Variants in IKBIP observed in about 807,000 individuals in gnomAD.
IKBIP encodes inhibitor of nuclear factor kappa-B kinase-interacting protein.
IKBIP carries 28 observed loss-of-function variants against 31.0 expected under a neutral mutation model. The ratio of observed to expected loss-of-function variants is 0.90; its 90% confidence interval spans 0.67 to 1.24. IKBIP has a LOEUF of 1.24. IKBIP is among the 50% of genes most tolerant of loss of function. The pLI, the probability that IKBIP is intolerant of heterozygous loss-of-function variation, is 0.00. For synonymous variants in IKBIP, 164 were observed against 160.3 expected, an observed-to-expected ratio of 1.02 and a Z score of -0.17; for missense variants, 453 against 441.9, an observed-to-expected ratio of 1.03 and a Z score of -0.23.
rs903382150 is a variant in IKBIP, at chr12:98,631,533, G to A, written c.297+2763C>T. Among the ~76,000 whole-genome samples the A allele has an allele frequency of 4.8e-4, 72 of 151,048 alleles. 1 individual carries two copies. The highest frequency in any genetic ancestry group is 1.6e-3 in the African/African-American group (66 of 41,266). ...TGACCTCAGGTGATCCACCCACCTC[G>A]GCCCCTCAAAGTGCTGGGATTACAG... On this transcript the variant is annotated intron_variant, in intron 2 of 2. Transcript: ENST00000299157.
intron 1 of IKBIP, among the ~76,000 whole-genome samples, chr12:98,642,990 T>C (rs1329543967): frequency 6.6e-6 from 1 of 151,568 alleles, no homozygotes; most frequent in Non-Finnish European, 1.5e-5. Context: ...TCTCGCTCTG[T>C]TGCCCAGGCT....
Position 98,632,005 on chromosome 12 carries a change from G to A in IKBIP, c.297+2291C>T, listed in dbSNP as rs796696166. 1.3e-4 allele frequency among the ~76,000 whole-genome samples: 20 copies of A among 151,268 alleles called. No individual in the cohort carries two copies. The South Asian group carries it at 3.8e-3, about 29-fold the overall frequency. On this transcript the variant is annotated intron_variant, in intron 2 of 2. Transcript: ENST00000299157. ...CGAGTAGCTGGGATTACAGGCGCCC[G>A]CCACCACGCCCAGCTAATTTTTGTA...
chr12:98,633,697 C>G (rs10732662), intron 2 of IKBIP, among the ~76,000 whole-genome samples: 131,118 of 151,552 alleles, frequency 0.87, 56,952 homozygotes, highest in African/African-American at 0.94. Flanking sequence ...TGTATTTTTA[C>G]TAGAGATGGG....
chr12:98,621,495 T>G (rs1449122571), downstream of IKBIP, among the ~76,000 whole-genome samples: 1 of 152,184 alleles, frequency 6.6e-6, no homozygotes, highest in African/African-American at 2.4e-5. Context: ...GAGAACACAT[T>G]TGACTCAATT....
intron 2 of IKBIP, among the ~76,000 whole-genome samples, chr12:98,629,090 T>C (rs1263618169): frequency 3.9e-5 from 6 of 152,294 alleles, no homozygotes; most frequent in African/African-American, 1.4e-4. Flanking sequence ...GAAGAGACCA[T>C]GTCTTATGCC....
rs2153296896 is a variant in IKBIP at position 98,626,293 on chromosome 12, A to G, written c.771T>C (p.Asn257=). 6.2e-7 allele frequency: 1 copy of G among 1,614,152 alleles called. No individual in the cohort carries two copies. The highest frequency in any genetic ancestry group is 1.7e-5 in the Admixed American group (1 of 60,018). The change falls in exon 3 of 3, where the codon AAT becomes AAC. Residue 257 remains asparagine, a synonymous_variant. Coordinates refer to ENST00000299157, the MANE Select transcript of IKBIP (RefSeq NM_153687.4). ...ALFARDEDLT[N]KLSDYEPKVE... is the part of the protein sequence containing the mutation. ...CTTTGGGTTCGTAGTCGGAAAGTTT[A>G]TTAGTCAGATCTTCATCTCTGGCAA...
At position 98,626,231 on chromosome 12, in the gene IKBIP, C is replaced by G; in HGVS notation, c.833G>C (p.Ser278Thr). The G allele has an allele frequency of 1.9e-6, 3 of 1,614,156 alleles. No individual in the cohort carries two copies. In the African/African-American group the frequency reaches 4.0e-5, roughly 22 times the overall value. ...ECKTHLPTIE[S>T]AIHSVLRVSQ... ...GACTCTGAGAACAGAGTGAATAGCACTTTCAATTGTTGGCAAATGTGTCTT... is the reference window on the plus strand; with the variant it reads ...GACTCTGAGAACAGAGTGAATAGCAGTTTCAATTGTTGGCAAATGTGTCTT... Residue 278 changes from serine to threonine, a missense_variant, in exon 3 of 3, where the codon AGT becomes ACT. Physicochemically the swap from Ser to Thr is moderately conservative, Grantham distance 58. Coordinates refer to ENST00000299157, the MANE Select transcript of IKBIP (RefSeq NM_153687.4).
intron 2 of IKBIP, among the ~76,000 whole-genome samples, chr12:98,633,135 C>T (rs1198597138): frequency 6.6e-6 from 1 of 152,152 alleles, no homozygotes; most frequent in Non-Finnish European, 1.5e-5. Flanking sequence ...TCTATTTTTA[C>T]AACATCCTTA....
At chr12:98,615,231 TTC>T (rs1262262018) in intron 2 of IKBIP, among the ~76,000 whole-genome samples, 3 of 152,136 alleles carry the variant, frequency 2.0e-5, no homozygotes, top group South Asian at 2.1e-4. Context: ...CTCCTAGAAA[TTC>T]TCTCTTTTTT....
intron 2 of IKBIP, among the ~76,000 whole-genome samples, chr12:98,615,680 G>A (rs778041463): frequency 9.9e-5 from 15 of 151,872 alleles, no homozygotes; most frequent in East Asian, 1.9e-4. Context: ...CCAATCCCTC[G>A]TAACCATTCT....
chr12:98,644,714 TA>T lies in IKBIP; in HGVS notation c.-14del. On this transcript the variant is annotated 5_prime_UTR_variant, in exon 1 of 3. Coordinates refer to ENST00000299157, the MANE Select transcript of IKBIP (RefSeq NM_153687.4). The stretch of plus-strand genomic sequence containing the variant: ...TCACCTCAGACATGTCTGGAGACCC[TA>T]GGACGACAAGCCCAGGGCAGCTTCT... 1 of 1,598,686 alleles carries T rather than the reference TA, an allele frequency of 6.3e-7. No individual in the cohort carries two copies. Among genetic ancestry groups the T allele is most frequent in the Non-Finnish European group, 8.5e-7 (1 of 1,175,540 alleles).
chr12:98,640,772 CTT>C (rs1004542163), intron 1 of IKBIP, among the ~76,000 whole-genome samples: 1 of 144,748 alleles, frequency 6.9e-6, no homozygotes. Flanking sequence ...TATATCAGGC[CTT>C]TTTTTTTTTG....
chr12:98,634,496 G>T, intron 1 of IKBIP, 83 bp from the exon 2 acceptor site: 58 of 573,392 alleles, frequency 1.0e-4, no homozygotes, highest in East Asian at 1.4e-4. Flanking sequence ...ACCCACTTCT[G>T]TTAAGAACAA....
intron 1 of IKBIP, among the ~76,000 whole-genome samples, chr12:98,638,371 T>C (rs1271012240): frequency 6.6e-6 from 1 of 152,114 alleles, no homozygotes; most frequent in African/African-American, 2.4e-5. Context: ...CACTGTAGCC[T>C]CCCAGGCCCA....
chr12:98,621,900 A>G (rs966131145), downstream of IKBIP, among the ~76,000 whole-genome samples: 1 of 151,930 alleles, frequency 6.6e-6, no homozygotes, highest in Non-Finnish European at 1.5e-5. Context: ...ACATGGAGAA[A>G]CCTCATCTCT....
downstream of IKBIP, among the ~76,000 whole-genome samples, chr12:98,621,302 T>C (rs995894344): frequency 6.6e-6 from 1 of 152,110 alleles, no homozygotes; most frequent in Non-Finnish European, 1.5e-5. Flanking sequence ...GTGCCCAGAA[T>C]ATGCAGTGGC....
At chr12:98,620,115 G>C (rs1227058516), downstream of IKBIP, among the ~76,000 whole-genome samples, 3 of 129,172 alleles carry the variant, frequency 2.3e-5, no homozygotes, top group African/African-American at 8.9e-5. Context: ...TTTTTTTTTA[G>C]TAGAGACGGG....
chr12:98,618,156 G>A (rs2097607310), intron 2 of IKBIP, among the ~76,000 whole-genome samples: 2 of 151,878 alleles, frequency 1.3e-5, no homozygotes, highest in Admixed American at 6.6e-5. Context: ...CTCCAGCCTG[G>A]GCACATAGCA....
chr12:98,643,165 C>T (rs547601695), intron 1 of IKBIP, among the ~76,000 whole-genome samples: 2 of 152,080 alleles, frequency 1.3e-5, no homozygotes, highest in South Asian at 4.2e-4. Context: ...GTTGGCCAGC[C>T]TGGTCTTGAA....
Sources: allele counts gnomAD v4.1 joint callset (sites outside exome capture counted in the v4.1 genomes callset), GRCh38; gene constraint gnomAD v4.1.1; transcripts MANE v1.5; gene names NCBI Gene and HGNC (gene_info 2026-07-23, HGNC 2026-07-21).